ACKR3: variants seen among roughly 807,000 people sequenced by gnomAD.
ACKR3 encodes the protein atypical chemokine receptor 3.
Under a neutral mutation model 22.4 loss-of-function variants are expected in ACKR3, and 6 were observed. The ratio of observed to expected loss-of-function variants is 0.27; its 90% CI spans 0.15 to 0.53. The LOEUF is 0.53. ACKR3 is among the 20% of genes least tolerant of loss of function. The pLI is 0.96. For missense variants in ACKR3, 396 were observed against 475.2 expected (o/e 0.83, Z 1.55); for synonymous variants, 209 against 205.2 (o/e 1.02, Z -0.16).
the ACKR3 span, among the ~76,000 whole-genome samples, chr2:236,549,525 G>T: frequency 6.6e-6 from 1 of 152,212 alleles, no homozygotes; most frequent in African/African-American, 2.4e-5. This position sits in a 1 kb window ranked among gnomAD's most constrained non-coding sequence, Gnocchi z 5.3. Context: ...GGTGTGTCTG[G>T]TCTACTGGGA....
the ACKR3 span, among the ~76,000 whole-genome samples, chr2:236,546,980 C>T: frequency 6.6e-6 from 1 of 152,202 alleles, no homozygotes; most frequent in Non-Finnish European, 1.5e-5. The surrounding 1 kb of genome is among the most constrained non-coding windows in gnomAD (Gnocchi z 4.9). Context: ...TTTTGTCTTC[C>T]CCTGAACAGT....
At chr2:236,546,621 C>T in the ACKR3 span, among the ~76,000 whole-genome samples, 1 of 152,216 alleles carries the variant, frequency 6.6e-6, no homozygotes, top group East Asian at 1.9e-4. This position sits in a 1 kb window ranked among gnomAD's most constrained non-coding sequence, Gnocchi z 4.9. Context: ...AAGCTTTACT[C>T]ACTACAGGAA....
upstream of ACKR3, among the ~76,000 whole-genome samples, chr2:236,565,463 A>G (rs1691158696): frequency 6.6e-6 from 1 of 152,220 alleles, no homozygotes; most frequent in Admixed American, 6.5e-5. Context: ...GTCAAAGTCG[A>G]AACTGGGAGA....
In ACKR3 at chr2:236,574,638, T is replaced by C. The variant is rs920526448; in HGVS notation, c.-27+4714T>C. ...CCAGCGTGAGGACATGCTGATTGCATACTCAGCCACCACCCATGAAGGCTC... is the reference window on the plus strand; with the variant it reads ...CCAGCGTGAGGACATGCTGATTGCACACTCAGCCACCACCCATGAAGGCTC... On this transcript the variant is annotated intron_variant, in intron 1 of 1. Transcript: ENST00000272928. This position sits in a 1 kb window ranked among gnomAD's most constrained non-coding sequence, Gnocchi z 5.6. Among the ~76,000 whole-genome samples the C allele has an allele frequency of 4.7e-4, 72 of 152,208 alleles. No individual in the cohort carries two copies. Among genetic ancestry groups the C allele is most frequent in the African/African-American group, 1.6e-3 (68 of 41,518 alleles).
upstream of ACKR3, among the ~76,000 whole-genome samples, chr2:236,565,302 A>G (rs1221520868): frequency 1.3e-5 from 2 of 152,220 alleles, no homozygotes; most frequent in Non-Finnish European, 2.9e-5. Context: ...AGAGGTTAAA[A>G]TATGCGATTC....
the ACKR3 span, among the ~76,000 whole-genome samples, chr2:236,561,578 G>A: frequency 4.0e-5 from 6 of 151,654 alleles, no homozygotes; most frequent in East Asian, 1.9e-4. Context: ...CACGACCTCC[G>A]CCTCCTGGGT....
intron 1 of ACKR3, among the ~76,000 whole-genome samples, chr2:236,573,235 G>A (rs1299832713): frequency 3.9e-5 from 6 of 152,160 alleles, no homozygotes; most frequent in African/African-American, 1.2e-4. Context: ...TTGCCTAATG[G>A]TTCTTCAGAG....
rs1338938835 is a variant in ACKR3 at position 236,580,864 on chromosome 2, C to A, written c.399C>A (p.Phe133Leu). Reference protein sequence around the residue: ...IFSINLFGSIFFLTCMSVDRY... With the variant: ...IFSINLFGSILFLTCMSVDRY... The stretch of plus-strand genomic sequence containing the variant: ...CCATCAACCTCTTCGGCAGCATTTT[C>A]TTCCTCACGTGCATGAGCGTGGACC... Residue 133 changes from phenylalanine (F) to leucine (L), a missense_variant, in exon 2 of 2, where the codon TTC (phenylalanine) becomes TTA (leucine). Coordinates refer to ENST00000272928, the MANE Select transcript of ACKR3 (RefSeq NM_020311.3). 6.2e-7 allele frequency: 1 copy of A among 1,614,256 alleles called. No homozygotes were observed. Among genetic ancestry groups the A allele is most frequent in the Non-Finnish European group, 8.5e-7 (1 of 1,180,058 alleles).
At chr2:236,550,295 C>A in the ACKR3 span, among the ~76,000 whole-genome samples, 35 of 152,308 alleles carry the variant, frequency 2.3e-4, no homozygotes, top group Non-Finnish European at 3.1e-4. This position sits in a 1 kb window ranked among gnomAD's most constrained non-coding sequence, Gnocchi z 4.6. Flanking sequence ...AAGACGAGGT[C>A]CGCATGGGAG....
chr2:236,537,140 G>A, the ACKR3 span, among the ~76,000 whole-genome samples: 1 of 152,192 alleles, frequency 6.6e-6, no homozygotes, highest in Non-Finnish European at 1.5e-5. Context: ...TCTCACCACT[G>A]CTTGGTTAAA....
At chr2:236,547,964 T>C in the ACKR3 span, among the ~76,000 whole-genome samples, 1 of 152,110 alleles carries the variant, frequency 6.6e-6, no homozygotes, top group African/African-American at 2.4e-5. Flanking sequence ...GAGGAGCCAC[T>C]TTCCCTGATT....
the ACKR3 span, among the ~76,000 whole-genome samples, chr2:236,538,432 C>T: frequency 1.1e-4 from 16 of 152,196 alleles, no homozygotes; most frequent in East Asian, 1.9e-4. Flanking sequence ...ACAGCGGAAG[C>T]CAGGTGCTGT....
upstream of ACKR3, among the ~76,000 whole-genome samples, chr2:236,566,053 C>T (rs1390200030): frequency 1.3e-5 from 2 of 152,224 alleles, no homozygotes; most frequent in Non-Finnish European, 2.9e-5. Flanking sequence ...TCCACTCTAA[C>T]GGGGCTCCCA....
chr2:236,570,593 A>T (rs1481640861), intron 1 of ACKR3, among the ~76,000 whole-genome samples: 1 of 152,210 alleles, frequency 6.6e-6, no homozygotes, highest in African/African-American at 2.4e-5. Flanking sequence ...TTGTTCTCTT[A>T]GAAGGTGTTA....
In ACKR3 at chr2:236,580,875, G is replaced by A. The variant is rs769957740; in HGVS notation, c.410G>A (p.Cys137Tyr). Residue 137 changes from cysteine (C) to tyrosine (Y), a missense_variant, in exon 2 of 2, where the codon TGC (cysteine) becomes TAC (tyrosine). Cys to Tyr is a radical substitution (Grantham distance 194). Transcript: ENST00000272928. ...TTCGGCAGCATTTTCTTCCTCACGT[G>A]CATGAGCGTGGACCGCTACCTCTCC... is the stretch of plus-strand genomic sequence containing the variant. ...NLFGSIFFLT[C>Y]MSVDRYLSIT... is the part of the protein sequence containing the mutation. 1.1e-5 allele frequency: 17 copies of A among 1,614,052 alleles called. No individual in the cohort carries two copies. The highest frequency in any genetic ancestry group is 1.6e-4 in the Middle Eastern group (1 of 6,084).
In ACKR3 at chr2:236,574,428, A is replaced by G. The variant is rs914177572; in HGVS notation, c.-27+4504A>G. 6.6e-6 allele frequency among the ~76,000 whole-genome samples: 1 copy of G among 152,128 alleles called. No homozygotes were observed. The highest frequency in any genetic ancestry group is 1.5e-5 in the Non-Finnish European group (1 of 68,022). On this transcript the variant is annotated intron_variant, in intron 1 of 1. Transcript: ENST00000272928. The surrounding 1 kb of genome is among the most constrained non-coding windows in gnomAD (Gnocchi z 5.6). The stretch of plus-strand genomic sequence containing the variant: ...AGGGGCAAGAAACCTGAACAACGTG[A>G]TGGTACAAAAGCCATTCCAGAATAG...
chr2:236,557,488 A>C, the ACKR3 span, among the ~76,000 whole-genome samples: 21,911 of 152,128 alleles, frequency 0.14, 2,882 homozygotes, highest in African/African-American at 0.35. Context: ...ATGAGGAAGT[A>C]TTCAAAGAAT....
chr2:236,559,774 G>C, the ACKR3 span, among the ~76,000 whole-genome samples: 1 of 151,994 alleles, frequency 6.6e-6, no homozygotes, highest in African/African-American at 2.4e-5. Context: ...TTTGATTTCC[G>C]GCACCACAGA....
intron 1 of ACKR3, among the ~76,000 whole-genome samples, chr2:236,572,679 G>T (rs935410706): frequency 6.6e-6 from 1 of 152,206 alleles, no homozygotes; most frequent in African/African-American, 2.4e-5. Flanking sequence ...CACTGGGCCG[G>T]CCCAGACGGC....
Sources: gnomAD v4.1 joint callset for allele counts (sites outside exome capture counted in the v4.1 genomes callset) on GRCh38, gnomAD v4.1.1 for gene constraint, Gnocchi (gnomAD v3.1) non-coding constraint, MANE v1.5 for transcripts, NCBI Gene and HGNC (gene_info 2026-07-23, HGNC 2026-07-21) for gene names.